SUPT3H: variants seen among roughly 807,000 people sequenced by gnomAD.
SUPT3H encodes the protein SPT3 homolog, SAGA and STAGA complex component.
SUPT3H carries 44 observed loss-of-function variants against 44.3 expected under a neutral mutation model. That is an observed-to-expected ratio of 0.99 (90% CI 0.78 to 1.28). The LOEUF is 1.28. SUPT3H is among the 50% of genes most tolerant of loss of function. The pLI, the probability that SUPT3H is intolerant of heterozygous loss-of-function variation, is 0.00. For synonymous variants in SUPT3H, 124 were observed against 125.6 expected (o/e 0.99, Z 0.09); for missense variants, 380 against 387.1 (o/e 0.98, Z 0.15).
chr6:45,284,448 A>G (rs190057958), intron 2 of SUPT3H, among the ~76,000 whole-genome samples: 1 of 152,370 alleles, frequency 6.6e-6, no homozygotes, highest in Non-Finnish European at 1.5e-5. Context: ...AACTATCATC[A>G]GAGAATACTA....
intron 3 of SUPT3H, among the ~76,000 whole-genome samples, chr6:45,071,850 C>T (rs1456643988): frequency 6.6e-6 from 1 of 152,092 alleles, no homozygotes; most frequent in African/African-American, 2.4e-5. Context: ...CCAGACCTAC[C>T]AAAGAAATGC....
chr6:45,244,226 G>A (rs921688155), intron 2 of SUPT3H, among the ~76,000 whole-genome samples: 1 of 152,004 alleles, frequency 6.6e-6, no homozygotes, highest in Non-Finnish European at 1.5e-5. Flanking sequence ...CACGGCCTCC[G>A]TAATTCACCT....
intron 10 of SUPT3H, among the ~76,000 whole-genome samples, chr6:44,926,574 A>G (rs1769552100): frequency 6.6e-6 from 1 of 152,184 alleles, no homozygotes; most frequent in Non-Finnish European, 1.5e-5. Context: ...AATTCAAAGA[A>G]ATACAAATTA....
At chr6:45,044,219 G>A (rs968007296) in intron 3 of SUPT3H, among the ~76,000 whole-genome samples, 1 of 151,912 alleles carries the variant, frequency 6.6e-6, no homozygotes, top group African/African-American at 2.4e-5. Flanking sequence ...TTCCAACCTC[G>A]CCCCTATGCA....
chr6:45,024,211 A>C (rs1785600935), intron 3 of SUPT3H, among the ~76,000 whole-genome samples: 1 of 152,210 alleles, frequency 6.6e-6, no homozygotes, highest in Non-Finnish European at 1.5e-5. Flanking sequence ...AGTATGTTAT[A>C]ATACTTTATT....
rs758205609 is a variant in SUPT3H, at chr6:44,932,731, G to A, written c.834C>T (p.Ser278=). ...TGATGTGGCAGGGCTGGATGGCATC[G>A]CTGTGAGCCTCAACACCACAGGCTG... The part of the protein sequence containing the change: ...STAACGVEAH[S]DAIQPCHIRE... Residue 278 remains serine, a synonymous_variant, in exon 10 of 11, where the codon AGC becomes AGT. Transcript: ENST00000371459. 35 of 1,609,760 alleles carry A rather than the reference G, an allele frequency of 2.2e-5. No homozygotes were observed. The Admixed American group carries it at 5.8e-4, about 26-fold the overall frequency.
At chr6:44,999,976 C>A (rs1395561685) in intron 6 of SUPT3H, among the ~76,000 whole-genome samples, 1 of 151,796 alleles carries the variant, frequency 6.6e-6, no homozygotes, top group Non-Finnish European at 1.5e-5. Context: ...TTTAAATAAT[C>A]TAGAAAAATT....
intron 3 of SUPT3H, among the ~76,000 whole-genome samples, chr6:45,053,802 C>T (rs539151912): frequency 5.4e-4 from 81 of 149,882 alleles, no homozygotes; most frequent in Non-Finnish European, 8.7e-4. Context: ...GTACTCCCAG[C>T]TCCTCGGGAG....
chr6:44,930,161 G>A (rs1582566037), intron 10 of SUPT3H, among the ~76,000 whole-genome samples: 1 of 152,164 alleles, frequency 6.6e-6, no homozygotes, highest in African/African-American at 2.4e-5. Context: ...GGCAGATCAT[G>A]AGGTCAGGAG....
intron 2 of SUPT3H, among the ~76,000 whole-genome samples, chr6:45,156,317 C>G (rs1341377663): frequency 6.6e-6 from 1 of 152,162 alleles, no homozygotes; most frequent in Admixed American, 6.5e-5. Flanking sequence ...TGCTTTCAGT[C>G]TCCTAAGGTC....
chr6:45,177,747 A>G lies in SUPT3H; in HGVS notation c.102-71741T>C, dbSNP rs1812255011. On this transcript the variant is annotated intron_variant, in intron 2 of 10. Coordinates refer to ENST00000371459, the MANE Select transcript of SUPT3H (RefSeq NM_003599.4). ...CAGCAGAAACTCTACAAGCCAGAAG[A>G]GAGTGGGGGCCAATATTCAACATTC... 2.6e-5 allele frequency among the ~76,000 whole-genome samples: 4 copies of G among 152,164 alleles called. No individual in the cohort carries two copies. The South Asian group carries it at 8.3e-4, about 32-fold the overall frequency.
intron 2 of SUPT3H, among the ~76,000 whole-genome samples, chr6:45,214,014 G>GAAAAAAAAAAAAAAA (rs1347931829): frequency 1.2e-4 from 1 of 8,008 alleles, no homozygotes; most frequent in African/African-American, 4.7e-4. Context: ...ATTTTGAAAT[G>GAAAAAAAAAAAAAAA]CAAAAAAAAA....
chr6:45,021,101 GA>G (rs1277624358), intron 3 of SUPT3H, among the ~76,000 whole-genome samples: 1 of 151,344 alleles, frequency 6.6e-6, no homozygotes, highest in East Asian at 1.9e-4. Flanking sequence ...ATATCCAAAG[GA>G]AAAAAAATAC....
chr6:45,258,829 T>TA (rs1339439400), intron 2 of SUPT3H, among the ~76,000 whole-genome samples: 4 of 152,174 alleles, frequency 2.6e-5, no homozygotes, highest in Admixed American at 6.5e-5. Flanking sequence ...TAATCATTAA[T>TA]AAAAAACATG....
intron 10 of SUPT3H, among the ~76,000 whole-genome samples, chr6:44,918,498 T>C (rs1345252861): frequency 6.6e-6 from 1 of 152,238 alleles, no homozygotes; most frequent in Non-Finnish European, 1.5e-5. Context: ...CCAATCCTCC[T>C]TTATAAGTGA....
At chr6:45,241,116 C>T (rs887634913) in intron 2 of SUPT3H, among the ~76,000 whole-genome samples, 3 of 152,144 alleles carry the variant, frequency 2.0e-5, no homozygotes, top group South Asian at 2.1e-4. Flanking sequence ...GATGCAGATC[C>T]CGACTCCTGC....
At chr6:45,360,133 C>T (rs770043055) in intron 2 of SUPT3H, among the ~76,000 whole-genome samples, 3 of 152,198 alleles carry the variant, frequency 2.0e-5, no homozygotes, top group Non-Finnish European at 4.4e-5. Context: ...AGTGCAACAG[C>T]ACGGAATCTG....
intron 2 of SUPT3H, among the ~76,000 whole-genome samples, chr6:45,335,156 T>G (rs1788303168): frequency 6.6e-6 from 1 of 151,254 alleles, no homozygotes; most frequent in Non-Finnish European, 1.5e-5. Flanking sequence ...TTTCTAATTT[T>G]TCTATGATAA....
In SUPT3H at chr6:45,176,194, G is replaced by T. The variant is rs1362989419; in HGVS notation, c.102-70188C>A. On this transcript the variant is annotated intron_variant, in intron 2 of 10. Coordinates refer to ENST00000371459, the MANE Select transcript of SUPT3H (RefSeq NM_003599.4). ...TCATCTCACTAGGGAGTGCCAGACA[G>T]TGGGCGCAGGTCAGTGGGTGCGCGC... is the stretch of plus-strand genomic sequence containing the variant. 2.0e-5 allele frequency among the ~76,000 whole-genome samples: 3 copies of T among 151,996 alleles called. No homozygotes were observed. In the South Asian group the frequency reaches 6.3e-4, roughly 32 times the overall value.
Sources: allele counts gnomAD v4.1 joint callset (sites outside exome capture counted in the v4.1 genomes callset), GRCh38; gene constraint gnomAD v4.1.1; transcripts MANE v1.5; gene names NCBI Gene and HGNC (gene_info 2026-07-23, HGNC 2026-07-21).